HEMK2: variants seen among roughly 807,000 people sequenced by gnomAD.
HEMK2 encodes the protein methyltransferase HEMK2.
At chr21:28,657,799 T>C in the HEMK2 span, among the ~76,000 whole-genome samples, 1 of 152,000 alleles carries the variant, frequency 6.6e-6, no homozygotes, top group Admixed American at 6.6e-5. Flanking sequence ...AACAATGATC[T>C]TTTCTAACCA....
the HEMK2 span, among the ~76,000 whole-genome samples, chr21:28,880,949 A>AAAAAAAAAAAAAAAAAAAAAAAG: frequency 1.4e-5 from 2 of 139,694 alleles, no homozygotes; most frequent in Non-Finnish European, 3.2e-5. Flanking sequence ...AAAAAAAAAA[A>AAAAAAAAAAAAAAAAAAAAAAAG]AAACCGGAAA....
chr21:28,627,503 T>C, the HEMK2 span, among the ~76,000 whole-genome samples: 5 of 152,188 alleles, frequency 3.3e-5, no homozygotes, highest in African/African-American at 4.8e-5. Flanking sequence ...ATGAGTAAGA[T>C]GAAGTAGTTG....
chr21:28,745,936 C>T, the HEMK2 span, among the ~76,000 whole-genome samples: 1 of 152,212 alleles, frequency 6.6e-6, no homozygotes, highest in Non-Finnish European at 1.5e-5. Context: ...AGCTAAGAAA[C>T]ATTAACACTC....
At chr21:28,630,900 G>A in the HEMK2 span, among the ~76,000 whole-genome samples, 1 of 151,970 alleles carries the variant, frequency 6.6e-6, no homozygotes, top group Admixed American at 6.6e-5. Context: ...TGCACGTTGT[G>A]CACATGTACC....
the HEMK2 span, among the ~76,000 whole-genome samples, chr21:28,831,844 A>G: frequency 6.6e-6 from 1 of 152,160 alleles, no homozygotes; most frequent in African/African-American, 2.4e-5. Flanking sequence ...CTCATGTTCC[A>G]TAGCTGTTTG....
chr21:28,686,220 TTTGTTG>T, the HEMK2 span, among the ~76,000 whole-genome samples: 3 of 152,014 alleles, frequency 2.0e-5, no homozygotes, highest in Non-Finnish European at 4.4e-5. Flanking sequence ...TTTTTTTGTT[TTTGTTG>T]TTGTTGTTGT....
At chr21:28,730,246 T>G in the HEMK2 span, among the ~76,000 whole-genome samples, 2 of 151,022 alleles carry the variant, frequency 1.3e-5, no homozygotes, top group African/African-American at 4.9e-5. Context: ...CCAGGTACGG[T>G]GGGATGAGCC....
the HEMK2 span, among the ~76,000 whole-genome samples, chr21:28,618,984 A>G: frequency 1.2e-3 from 179 of 152,196 alleles, 15 homozygotes; most frequent in Non-Finnish European, 1.5e-5. Context: ...TCTTTACAAA[A>G]GCTATGAAGT....
At chr21:28,640,960 A>C in the HEMK2 span, among the ~76,000 whole-genome samples, 1 of 151,460 alleles carries the variant, frequency 6.6e-6, no homozygotes, top group Non-Finnish European at 1.5e-5. Flanking sequence ...AAGGAAATTA[A>C]AGGAATATTC....
chr21:28,865,659 C>T, the HEMK2 span, among the ~76,000 whole-genome samples: 7 of 152,290 alleles, frequency 4.6e-5, no homozygotes, highest in East Asian at 1.4e-3. Flanking sequence ...ACTTGCAACT[C>T]CCTGAATATG....
the HEMK2 span, among the ~76,000 whole-genome samples, chr21:28,710,738 T>C: frequency 6.6e-6 from 1 of 152,336 alleles, no homozygotes; most frequent in East Asian, 1.9e-4. Context: ...TCAGTTATTT[T>C]CTTTTCTTCA....
At chr21:28,665,371 CTT>C in the HEMK2 span, among the ~76,000 whole-genome samples, 4 of 15,900 alleles carry the variant, frequency 2.5e-4, no homozygotes, top group Admixed American at 9.6e-4. Flanking sequence ...TTTTAATTTT[CTT>C]TTTTTTTTTT....
chr21:28,605,701 T>C, the HEMK2 span, among the ~76,000 whole-genome samples: 2 of 152,188 alleles, frequency 1.3e-5, no homozygotes, highest in Non-Finnish European at 2.9e-5. Context: ...TATGTATATG[T>C]GTATCTGTGT....
chr21:28,711,180 T>C, the HEMK2 span, among the ~76,000 whole-genome samples: 1 of 152,216 alleles, frequency 6.6e-6, no homozygotes, highest in African/African-American at 2.4e-5. Flanking sequence ...CTTCGGATAA[T>C]ATCCCATTTT....
chr21:28,814,280 A>T, the HEMK2 span, among the ~76,000 whole-genome samples: 3 of 151,350 alleles, frequency 2.0e-5, no homozygotes, highest in Admixed American at 6.6e-5. Flanking sequence ...TAAAAACCCT[A>T]GAAGAAAACC....
At chr21:28,850,381 C>T in the HEMK2 span, among the ~76,000 whole-genome samples, 5 of 152,062 alleles carry the variant, frequency 3.3e-5, no homozygotes, top group Non-Finnish European at 5.9e-5. Flanking sequence ...CCCGCCACCA[C>T]GCCCGGCTAA....
chr21:28,817,632 G>A, the HEMK2 span, among the ~76,000 whole-genome samples: 13,066 of 152,212 alleles, frequency 0.086, 1,313 homozygotes, highest in African/African-American at 0.23. Flanking sequence ...AAGAAAGGAA[G>A]ATGAAGGATT....
the HEMK2 span, among the ~76,000 whole-genome samples, chr21:28,840,905 T>G: frequency 1.4e-5 from 2 of 146,052 alleles, no homozygotes; most frequent in Non-Finnish European, 3.0e-5. Flanking sequence ...ACAAGCATGT[T>G]TATAGCAGCA....
chr21:28,841,033 T>TATATTATATATAAATAA, the HEMK2 span, among the ~76,000 whole-genome samples: 2 of 102,718 alleles, frequency 1.9e-5, no homozygotes, highest in African/African-American at 3.9e-5. Context: ...ATAAATATTA[T>TATATTATATATAAATAA]ATATTATATA....
Sources: allele counts gnomAD v4.1 joint callset (sites outside exome capture counted in the v4.1 genomes callset), GRCh38; gene constraint gnomAD v4.1.1; transcripts MANE v1.5; gene names NCBI Gene and HGNC (gene_info 2026-07-23, HGNC 2026-07-21).